Variants in SLC20A2 observed in about 807,000 individuals in gnomAD.
The protein encoded by SLC20A2 is sodium-dependent phosphate transporter 2.
SLC20A2 carries 30 observed loss-of-function variants against 61.0 expected under a neutral mutation model. That is an observed-to-expected ratio of 0.49 (90% confidence interval 0.37 to 0.67). The LOEUF is 0.67. Ranked by LOEUF, SLC20A2 falls within the 30% of genes least tolerant of loss-of-function variation. The pLI is 0.00. For missense variants in SLC20A2, 626 were observed against 866.4 expected (o/e 0.72, Z 3.48); for synonymous variants, 351 against 353.3 (o/e 0.99, Z 0.07).
chr8:42,492,823 G>T (rs1357610592), intron 1 of SLC20A2, among the ~76,000 whole-genome samples: 1 of 151,978 alleles, frequency 6.6e-6, no homozygotes, highest in African/African-American at 2.4e-5. Flanking sequence ...GACTACAGGC[G>T]CCTGTCACCA....
At chr8:42,526,644 G>A (rs1352728263) in intron 1 of SLC20A2, among the ~76,000 whole-genome samples, 2 of 147,742 alleles carry the variant, frequency 1.4e-5, no homozygotes, top group African/African-American at 5.0e-5. Context: ...CTGCACCCCA[G>A]CCTGGGCGAC....
chr8:42,450,330 C>T (rs907228959), intron 5 of SLC20A2, among the ~76,000 whole-genome samples: 1 of 151,674 alleles, frequency 6.6e-6, no homozygotes, highest in Non-Finnish European at 1.5e-5. Flanking sequence ...CAGGTTCAAG[C>T]GATTCTCCTG....
At chr8:42,528,730 G>A (rs35305877) in intron 1 of SLC20A2, among the ~76,000 whole-genome samples, 95,941 of 151,378 alleles carry the variant, frequency 0.63, 30,585 homozygotes, top group African/African-American at 0.69. Context: ...GCAGTGGTGC[G>A]ATCTTGGCTT....
upstream of SLC20A2, among the ~76,000 whole-genome samples, chr8:42,504,785 G>A (rs2131357643): frequency 7.4e-6 from 1 of 135,374 alleles, no homozygotes; most frequent in Non-Finnish European, 1.5e-5. Flanking sequence ...GGCAGAGGCT[G>A]CAGTGAGCCA....
In SLC20A2 at chr8:42,439,619, T is replaced by C. The variant is rs1243792842; in HGVS notation, c.765A>G (p.Val255=). The change falls in exon 7 of 11, where the codon GTA becomes GTG. Residue 255 remains valine, a synonymous_variant. Transcript: ENST00000520262. ...KLQKEGALSR[V]SDESLSKVQE... ...GAACCTTACTGAGGCTTTCGTCAGA[T>C]ACTCGTGATAAAGCACCTTCTTTTT... The C allele has an allele frequency of 2.5e-6, 4 of 1,614,214 alleles. No individual in the cohort carries two copies. In the Admixed American group the frequency reaches 5.0e-5, roughly 20 times the overall value.
chr8:42,528,815 C>T (rs576294469), intron 1 of SLC20A2, among the ~76,000 whole-genome samples: 1 of 151,864 alleles, frequency 6.6e-6, no homozygotes, highest in African/African-American at 2.4e-5. Flanking sequence ...TATAGGCATG[C>T]GCCACCATGC....
At chr8:42,445,329 A>G (rs1805128892) in intron 5 of SLC20A2, among the ~76,000 whole-genome samples, 1 of 152,080 alleles carries the variant, frequency 6.6e-6, no homozygotes, top group African/African-American at 2.4e-5. Context: ...AAATAAATAA[A>G]ATTTTAACAA....
chr8:42,504,151 G>C (rs181843622), upstream of SLC20A2, among the ~76,000 whole-genome samples: 4 of 152,244 alleles, frequency 2.6e-5, no homozygotes, highest in African/African-American at 9.6e-5. Flanking sequence ...ATGTTGCCCA[G>C]GCCAGCCTCG....
Position 42,417,728 on chromosome 8 carries a change from G to A in SLC20A2, c.*75C>T, listed in dbSNP as rs903969214. ...GTGCACGGCCAGGATGTGTATGTGCGGCACGAGCACACATGTCTCCCACAC... is the reference window on the plus strand; with the variant it reads ...GTGCACGGCCAGGATGTGTATGTGCAGCACGAGCACACATGTCTCCCACAC... On this transcript the variant is annotated 3_prime_UTR_variant, in exon 11 of 11. Transcript: ENST00000520262. The A allele has an allele frequency of 1.5e-5, 23 of 1,514,318 alleles. No homozygotes were observed. Among genetic ancestry groups the A allele is most frequent in the Admixed American group, 1.2e-4 (7 of 58,988 alleles). The allele number at this position is 1,514,318 out of a possible 1,614,324, so 93.8% of individuals were successfully genotyped here. A position where few individuals can be genotyped will look rare whatever the true frequency, so the allele number is the denominator to read the frequency against.
At chr8:42,447,599 A>G (rs937629617) in intron 5 of SLC20A2, among the ~76,000 whole-genome samples, 1 of 150,694 alleles carries the variant, frequency 6.6e-6, no homozygotes, top group South Asian at 2.1e-4. Context: ...AATGGCATGA[A>G]CCCGGAAGGT....
At chr8:42,470,358 C>G (rs1807529352) in intron 2 of SLC20A2, among the ~76,000 whole-genome samples, 1 of 151,864 alleles carries the variant, frequency 6.6e-6, no homozygotes, top group Non-Finnish European at 1.5e-5. Context: ...GCTAGGACTA[C>G]AGGCATGTGC....
At chr8:42,533,682 G>A (rs192540605) in intron 1 of SLC20A2, among the ~76,000 whole-genome samples, 428 of 34,482 alleles carry the variant, frequency 0.012, no homozygotes, top group African/African-American at 0.03. Context: ...TTTTTGAGAC[G>A]GGAGTCTTAC....
chr8:42,486,843 T>C lies in SLC20A2; in HGVS notation c.-265+14188A>G, dbSNP rs79514860. Among the ~76,000 whole-genome samples the C allele has an allele frequency of 5.2e-3, 795 of 152,220 alleles. 58 individuals are homozygous for C. In the East Asian group the frequency reaches 0.14, roughly 26 times the overall value. Reference sequence around the variant, plus strand: ...GTGTTCTTCATCAAATTTGGGAAGTTAAAATAAATTACTACAGATTATTTT... The same window carrying C: ...GTGTTCTTCATCAAATTTGGGAAGTCAAAATAAATTACTACAGATTATTTT... On this transcript the variant is annotated intron_variant, in intron 1 of 10. Transcript: ENST00000520262.
chr8:42,440,072 G>A (rs1253344816), intron 6 of SLC20A2, among the ~76,000 whole-genome samples: 4 of 150,808 alleles, frequency 2.7e-5, no homozygotes, highest in East Asian at 1.9e-4. Context: ...GTGACAGAGT[G>A]AGACTCTGTC....
At chr8:42,512,318 A>G (rs1811075924) in intron 1 of SLC20A2, among the ~76,000 whole-genome samples, 1 of 150,636 alleles carries the variant, frequency 6.6e-6, no homozygotes. Context: ...ATAGATCCAG[A>G]TTTCTTTACG....
At chr8:42,428,207 C>T (rs1299136674) in intron 10 of SLC20A2, among the ~76,000 whole-genome samples, 1 of 152,188 alleles carries the variant, frequency 6.6e-6, no homozygotes, top group Admixed American at 6.5e-5. Context: ...GACCAGGAGC[C>T]CTCTCTTGTC....
At chr8:42,497,769 C>G (rs978060690) in intron 1 of SLC20A2, among the ~76,000 whole-genome samples, 1 of 150,858 alleles carries the variant, frequency 6.6e-6, no homozygotes, top group African/African-American at 2.4e-5. Context: ...GTTGTGGAGC[C>G]ATGAACTAGA....
intron 1 of SLC20A2, among the ~76,000 whole-genome samples, chr8:42,497,931 A>G (rs1343788262): frequency 6.6e-6 from 1 of 152,050 alleles, no homozygotes; most frequent in Non-Finnish European, 1.5e-5. Flanking sequence ...CTCCTTTACA[A>G]GCTGCAATAA....
At chr8:42,446,947 A>G (rs1235214520) in intron 5 of SLC20A2, among the ~76,000 whole-genome samples, 1 of 152,222 alleles carries the variant, frequency 6.6e-6, no homozygotes, top group Non-Finnish European at 1.5e-5. Flanking sequence ...ATTTAATTCA[A>G]AGGGGTTAAC....
Sources: gnomAD v4.1 joint callset for allele counts (sites outside exome capture counted in the v4.1 genomes callset) on GRCh38, gnomAD v4.1.1 for gene constraint, MANE v1.5 for transcripts, NCBI Gene and HGNC (gene_info 2026-07-23, HGNC 2026-07-21) for gene names.